The following NPTN variants were observed in gnomAD, a reference collection of about 807,000 sequenced individuals.
The protein encoded by NPTN is neuroplastin.
Under a neutral mutation model 42.7 loss-of-function variants are expected in NPTN, and 5 were observed. That is an observed-to-expected ratio of 0.12 (90% CI 0.06 to 0.25). The LOEUF (loss-of-function observed/expected upper bound fraction) is 0.25. NPTN is among the 10% of genes least tolerant of loss of function. The pLI is 1.00. For missense variants in NPTN, 307 were observed against 525.4 expected, an observed-to-expected ratio of 0.58 and a Z score of 4.06; for synonymous variants, 180 against 201.9, an observed-to-expected ratio of 0.89 and a Z score of 0.92.
At chr15:73,618,888 T>C (rs1349055093) in intron 1 of NPTN, among the ~76,000 whole-genome samples, 2 of 151,684 alleles carry the variant, frequency 1.3e-5, no homozygotes, top group East Asian at 3.9e-4. Flanking sequence ...ACACCATCTC[T>C]ACAAAAAAGT....
intron 4 of NPTN, among the ~76,000 whole-genome samples, chr15:73,576,364 T>G (rs1026455975): frequency 1.3e-5 from 2 of 152,158 alleles, no homozygotes; most frequent in African/African-American, 4.8e-5. Context: ...AGTCTCTCTC[T>G]GTTGGCCAGG....
chr15:73,598,614 C>G (rs949513693), intron 1 of NPTN, among the ~76,000 whole-genome samples: 1 of 152,074 alleles, frequency 6.6e-6, no homozygotes, highest in African/African-American at 2.4e-5. Context: ...AGACAGTATC[C>G]GAAGGTATAA....
intron 1 of NPTN, among the ~76,000 whole-genome samples, chr15:73,625,887 A>AGGAAAAGAAAT (rs1898380104): frequency 6.6e-6 from 1 of 152,214 alleles, no homozygotes; most frequent in African/African-American, 2.4e-5. Flanking sequence ...AAAGAAAAAA[A>AGGAAAAGAAAT]GGAAAAGAAA....
chr15:73,626,006 G>C (rs1429178676), intron 1 of NPTN, among the ~76,000 whole-genome samples: 1 of 152,218 alleles, frequency 6.6e-6, no homozygotes, highest in South Asian at 2.1e-4. Context: ...ATTTAATTCA[G>C]TTAACACTTG....
intron 1 of NPTN, among the ~76,000 whole-genome samples, chr15:73,629,321 T>C (rs1286605872): frequency 1.3e-5 from 2 of 152,236 alleles, no homozygotes; most frequent in Non-Finnish European, 2.9e-5. Flanking sequence ...AATTTTTTGC[T>C]TGACATTCGG....
At chr15:73,626,380 A>C (rs1015732661) in intron 1 of NPTN, among the ~76,000 whole-genome samples, 2 of 152,250 alleles carry the variant, frequency 1.3e-5, no homozygotes, top group South Asian at 2.1e-4. Flanking sequence ...TGCATGCCTC[A>C]AAGTTAATTT....
intron 1 of NPTN, among the ~76,000 whole-genome samples, chr15:73,613,393 A>G (rs1377975451): frequency 6.6e-6 from 1 of 152,222 alleles, no homozygotes; most frequent in Admixed American, 6.5e-5. Context: ...CATTAACTAG[A>G]ACCTATTGTC....
Position 73,587,505 on chromosome 15 carries a change from A to G in NPTN, c.706+19T>C. On this transcript the variant is annotated intron_variant, in intron 4 of 8. Transcript: ENST00000345330. ...AAGGAGAGTGAGAGGCTCACACCAC[A>G]GCCTCTGCTGGGTTGTACCTTTCAC... 1 of 1,590,520 alleles carries G rather than the reference A, an allele frequency of 6.3e-7. No individual in the cohort carries two copies.
intron 4 of NPTN, among the ~76,000 whole-genome samples, chr15:73,574,282 T>C (rs1188347437): frequency 1.3e-5 from 2 of 152,106 alleles, no homozygotes; most frequent in African/African-American, 4.8e-5. Flanking sequence ...GTAAAAACAA[T>C]GAATGCTTGG....
intron 1 of NPTN, among the ~76,000 whole-genome samples, chr15:73,618,309 G>GAAAGTCATTA (rs1182381156): frequency 6.6e-6 from 1 of 152,026 alleles, no homozygotes; most frequent in Non-Finnish European, 1.5e-5. Flanking sequence ...ACCATACAAA[G>GAAAGTCATTA]AAAGTCATTA....
intron 6 of NPTN, chr15:73,565,748 C>T: frequency 2.2e-6 from 1 of 456,398 alleles, no homozygotes; most frequent in Non-Finnish European, 4.4e-6. Flanking sequence ...TTCTGGAATC[C>T]ACCTTATGAG....
intron 3 of NPTN, among the ~76,000 whole-genome samples, chr15:73,588,224 C>CA (rs1346395315): frequency 6.6e-6 from 1 of 152,086 alleles, no homozygotes; most frequent in African/African-American, 2.4e-5. Flanking sequence ...AAAACAAAAA[C>CA]AAAAATCACT....
rs867771148 is a variant in NPTN at position 73,633,109 on chromosome 15, C to T, written c.91+16G>A. The stretch of plus-strand genomic sequence containing the variant: ...CCCTCAACCCCCGCCCGGCCCGCCC[C>T]CGGCGCCCCGCTTACCGTTCTGAGC... On this transcript the variant is annotated intron_variant, in intron 1 of 8. Coordinates refer to ENST00000345330, the MANE Select transcript of NPTN (RefSeq NM_012428.4). The T allele has an allele frequency of 2.1e-6, 3 of 1,450,034 alleles. No homozygotes were observed. Among genetic ancestry groups the T allele is most frequent in the African/African-American group, 3.0e-5 (2 of 67,178 alleles). 89.8% of individuals were successfully genotyped at this position (1,450,034 alleles called of 1,614,324 possible). A position where few individuals can be genotyped will look rare whatever the true frequency, so the allele number is the denominator to read the frequency against.
At chr15:73,580,661 T>TTAATATGTATA (rs1419672023) in intron 4 of NPTN, among the ~76,000 whole-genome samples, 4 of 148,446 alleles carry the variant, frequency 2.7e-5, no homozygotes, top group Non-Finnish European at 5.9e-5. Context: ...TATATATTTG[T>TTAATATGTATA]TACCATGTAT....
intron 2 of NPTN, among the ~76,000 whole-genome samples, chr15:73,594,960 A>AG (rs1414773410): frequency 6.6e-6 from 1 of 151,962 alleles, no homozygotes; most frequent in African/African-American, 2.4e-5. Context: ...TTAAAAAAAA[A>AG]AAAAAAAAAG....
chr15:73,562,043 C>T, intron 7 of NPTN, 73 bp from the exon 8 acceptor site: 2 of 1,121,912 alleles, frequency 1.8e-6, no homozygotes, highest in Non-Finnish European at 2.6e-6. Flanking sequence ...CATGGAAATA[C>T]AGGGACTCTT....
At chr15:73,614,340 T>C (rs945014821) in intron 1 of NPTN, among the ~76,000 whole-genome samples, 2 of 152,004 alleles carry the variant, frequency 1.3e-5, no homozygotes, top group South Asian at 2.1e-4. Flanking sequence ...TGCATATTTA[T>C]AGAAATCATT....
At chr15:73,563,309 A>G (rs1894799491) in intron 6 of NPTN, 52 bp from the exon 7 acceptor site, 1 of 1,608,946 alleles carries the variant, frequency 6.2e-7, no homozygotes, top group Admixed American at 1.7e-5. Context: ...AGAAGAAAGG[A>G]GAAAACTGTT....
intron 1 of NPTN, among the ~76,000 whole-genome samples, chr15:73,622,011 C>T (rs1487477097): frequency 6.6e-6 from 1 of 152,028 alleles, no homozygotes; most frequent in East Asian, 1.9e-4. Context: ...TTTCTTAGTA[C>T]TGAAATTTAG....
Sources: gnomAD v4.1 joint callset for allele counts (sites outside exome capture counted in the v4.1 genomes callset) on GRCh38, gnomAD v4.1.1 for gene constraint, MANE v1.5 for transcripts, NCBI Gene and HGNC (gene_info 2026-07-23, HGNC 2026-07-21) for gene names.